AKAP19: variants seen among roughly 807,000 people sequenced by gnomAD.
AKAP19 encodes the protein A-kinase anchoring protein 19, also known as small A-kinase anchoring protein.
At chr2:189,967,188 T>C in the AKAP19 span, among the ~76,000 whole-genome samples, 3 of 152,232 alleles carry the variant, frequency 2.0e-5, no homozygotes. Flanking sequence ...AGAATATGCC[T>C]GTGACCTGGT....
At chr2:189,920,774 C>A in the AKAP19 span, among the ~76,000 whole-genome samples, 1 of 152,180 alleles carries the variant, frequency 6.6e-6, no homozygotes, top group Non-Finnish European at 1.5e-5. Flanking sequence ...GAATAATGAC[C>A]TGGCCAAGTG....
chr2:189,957,351 C>T, the AKAP19 span, among the ~76,000 whole-genome samples: 36 of 152,286 alleles, frequency 2.4e-4, no homozygotes, highest in African/African-American at 8.2e-4. Flanking sequence ...ATGACATCCG[C>T]TCCATTATTA....
chr2:190,161,501 C>G, the AKAP19 span, among the ~76,000 whole-genome samples: 2 of 152,142 alleles, frequency 1.3e-5, no homozygotes, highest in Admixed American at 1.3e-4. Flanking sequence ...ATAACCATTC[C>G]ATTATTTACT....
the AKAP19 span, among the ~76,000 whole-genome samples, chr2:189,914,569 G>A: frequency 6.6e-6 from 1 of 152,002 alleles, no homozygotes; most frequent in African/African-American, 2.4e-5. Flanking sequence ...TTAGAATGAT[G>A]AGTATGCAAG....
At chr2:190,038,935 T>TTCTTCTTCTTCTTCTTCTTCTTCC in the AKAP19 span, among the ~76,000 whole-genome samples, 28 of 141,578 alleles carry the variant, frequency 2.0e-4, 1 homozygote, top group African/African-American at 5.4e-4. Context: ...CTTCTTCTTC[T>TTCTTCTTCTTCTTCTTCTTCTTCC]TCTTCTTCTT....
the AKAP19 span, among the ~76,000 whole-genome samples, chr2:189,955,861 A>G: frequency 6.6e-6 from 1 of 152,324 alleles, no homozygotes; most frequent in African/African-American, 2.4e-5. Context: ...TTGTTTAAAA[A>G]CCAAATCCAA....
At chr2:190,121,617 G>C in the AKAP19 span, among the ~76,000 whole-genome samples, 19 of 152,016 alleles carry the variant, frequency 1.2e-4, no homozygotes, top group Non-Finnish European at 2.2e-4. Context: ...AAAATAAAAA[G>C]TGCCAAGTTC....
At chr2:190,024,524 T>C in the AKAP19 span, among the ~76,000 whole-genome samples, 2 of 152,008 alleles carry the variant, frequency 1.3e-5, no homozygotes, top group Non-Finnish European at 2.9e-5. Flanking sequence ...TATACAATGC[T>C]AAACTGTGCT....
the AKAP19 span, among the ~76,000 whole-genome samples, chr2:190,160,709 T>TA: frequency 5.1e-3 from 592 of 115,382 alleles, 7 homozygotes; most frequent in South Asian, 0.038. Context: ...CGATTTTTTT[T>TA]TAAAAAAGAA....
At chr2:190,039,022 CTCTTCTTCCTCT>C in the AKAP19 span, among the ~76,000 whole-genome samples, 17,615 of 103,294 alleles carry the variant, frequency 0.17, 1,541 homozygotes, top group Middle Eastern at 0.32. Flanking sequence ...CTTCCTCTTC[CTCTTCTTCCTCT>C]TCTTCCTCTT....
chr2:189,896,615 T>C, the AKAP19 span, among the ~76,000 whole-genome samples: 1 of 152,124 alleles, frequency 6.6e-6, no homozygotes, highest in Non-Finnish European at 1.5e-5. Context: ...TCAATGCAAA[T>C]GATATAAAGA....
At chr2:190,189,147 C>A in the AKAP19 span, among the ~76,000 whole-genome samples, 5 of 152,076 alleles carry the variant, frequency 3.3e-5, no homozygotes, top group African/African-American at 1.2e-4. Context: ...GAGATCAGGT[C>A]AAGGACAGGG....
chr2:190,032,460 T>G, the AKAP19 span, among the ~76,000 whole-genome samples: 2 of 152,154 alleles, frequency 1.3e-5, no homozygotes, highest in Non-Finnish European at 2.9e-5. Context: ...TAGTTCCTAT[T>G]TGACACATGT....
chr2:190,057,306 T>A, the AKAP19 span: 4 of 1,613,344 alleles, frequency 2.5e-6, no homozygotes, highest in Non-Finnish European at 3.4e-6. Context: ...TTTTCCCATA[T>A]ATTATTTGTT....
At chr2:190,019,370 G>A in the AKAP19 span, among the ~76,000 whole-genome samples, 2 of 152,062 alleles carry the variant, frequency 1.3e-5, no homozygotes. Context: ...GGCTGTGGAG[G>A]GTGTCTTTCT....
At chr2:190,035,367 G>T in the AKAP19 span, among the ~76,000 whole-genome samples, 1 of 151,598 alleles carries the variant, frequency 6.6e-6, no homozygotes, top group African/African-American at 2.4e-5. Flanking sequence ...GGAGGTGAAG[G>T]TTGCAGTGAG....
At chr2:190,085,043 A>G in the AKAP19 span, among the ~76,000 whole-genome samples, 2 of 152,268 alleles carry the variant, frequency 1.3e-5, no homozygotes, top group African/African-American at 4.8e-5. Flanking sequence ...CTTTACACCT[A>G]GTCAGGGGTG....
At chr2:189,954,967 C>T in the AKAP19 span, among the ~76,000 whole-genome samples, 1 of 152,090 alleles carries the variant, frequency 6.6e-6, no homozygotes, top group Non-Finnish European at 1.5e-5. Flanking sequence ...TATTTATGGA[C>T]TTAGGGGTAC....
the AKAP19 span, chr2:190,190,062 T>A: frequency 6.6e-6 from 1 of 152,246 alleles, no homozygotes; most frequent in South Asian, 2.1e-4. Flanking sequence ...CAAAAACTGT[T>A]CTTATATCTT....
Sources: allele counts gnomAD v4.1 joint callset (sites outside exome capture counted in the v4.1 genomes callset), GRCh38; gene constraint gnomAD v4.1.1; transcripts MANE v1.5; gene names NCBI Gene and HGNC (gene_info 2026-07-23, HGNC 2026-07-21).